Variants in GOLM2 observed in about 807,000 individuals in gnomAD.
The protein encoded by GOLM2 is golgi membrane protein 2, also known as protein GOLM2.
GOLM2 carries 26 observed loss-of-function variants against 55.9 expected under a neutral mutation model. The ratio of observed to expected loss-of-function variants is 0.47; its 90% CI spans 0.34 to 0.65. GOLM2 has a LOEUF of 0.65. Among genes scored for constraint, GOLM2 ranks in the 30% least tolerant of loss-of-function variants. GOLM2 has a pLI of 0.01. For synonymous variants in GOLM2, 165 were observed against 194.6 expected (o/e 0.85, Z 1.27); for missense variants, 486 against 531.8 (o/e 0.91, Z 0.85).
intron 1 of GOLM2, among the ~76,000 whole-genome samples, chr15:44,305,174 A>AT (rs932595834): frequency 2.1e-4 from 32 of 150,820 alleles, no homozygotes; most frequent in Middle Eastern, 3.5e-3. Flanking sequence ...CTAATTTTGT[A>AT]TTTTTTGTAG....
At chr15:44,401,644 G>A (rs1262707207) in intron 8 of GOLM2, among the ~76,000 whole-genome samples, 1 of 152,062 alleles carries the variant, frequency 6.6e-6, no homozygotes, top group African/African-American at 2.4e-5. Context: ...GCATTATTAG[G>A]AAGTTAATTT....
intron 1 of GOLM2, among the ~76,000 whole-genome samples, chr15:44,314,923 T>C (rs547099250): frequency 6.6e-6 from 1 of 152,360 alleles, no homozygotes; most frequent in South Asian, 2.1e-4. Context: ...GTAAAGCACT[T>C]AGCCTAGGAC....
intron 1 of GOLM2, among the ~76,000 whole-genome samples, chr15:44,320,215 G>A (rs1264067605): frequency 6.6e-6 from 1 of 152,156 alleles, no homozygotes; most frequent in Non-Finnish European, 1.5e-5. Context: ...TTTAGCATAT[G>A]TAATGTTTTC....
At chr15:44,360,388 G>A (rs536477565) in intron 6 of GOLM2, among the ~76,000 whole-genome samples, 1 of 152,228 alleles carries the variant, frequency 6.6e-6, no homozygotes, top group African/African-American at 2.4e-5. Context: ...ACAAAAAAAG[G>A]CAGGGGTTGC....
At chr15:44,311,918 G>A (rs2078877931) in intron 1 of GOLM2, among the ~76,000 whole-genome samples, 1 of 152,128 alleles carries the variant, frequency 6.6e-6, no homozygotes, top group Admixed American at 6.6e-5. Flanking sequence ...CCAAAGTGCT[G>A]GGATTACAGG....
chr15:44,406,701 C>T (rs1330136867), intron 9 of GOLM2: 1 of 151,682 alleles, frequency 6.6e-6, no homozygotes, highest in Non-Finnish European at 1.5e-5. Context: ...TGAAAGATAA[C>T]AAAAAATGAA....
intron 1 of GOLM2, among the ~76,000 whole-genome samples, chr15:44,301,828 C>T (rs1392428659): frequency 1.3e-5 from 2 of 151,704 alleles, no homozygotes; most frequent in Non-Finnish European, 2.9e-5. Context: ...AGGAGAATTA[C>T]TTGAATCCAG....
chr15:44,412,261 A>G (rs1238122208), intron 9 of GOLM2, among the ~76,000 whole-genome samples: 3 of 152,322 alleles, frequency 2.0e-5, no homozygotes, highest in African/African-American at 4.8e-5. Flanking sequence ...AAGGATTGCT[A>G]TTGGCAGGTA....
At chr15:44,347,999 G>T (rs1016566710) in intron 6 of GOLM2, among the ~76,000 whole-genome samples, 1 of 152,156 alleles carries the variant, frequency 6.6e-6, no homozygotes, top group African/African-American at 2.4e-5. Context: ...CCTAGACCTG[G>T]CAAGATTCAT....
intron 6 of GOLM2, among the ~76,000 whole-genome samples, chr15:44,342,495 A>G (rs1420420133): frequency 6.6e-6 from 1 of 152,048 alleles, no homozygotes; most frequent in Non-Finnish European, 1.5e-5. Context: ...TCAAACTCCT[A>G]GGCTCAAGCA....
chr15:44,344,347 T>G (rs895417253), intron 6 of GOLM2, among the ~76,000 whole-genome samples: 3 of 151,364 alleles, frequency 2.0e-5, no homozygotes, highest in African/African-American at 7.3e-5. Context: ...AGCATGTGCC[T>G]AGGGTTAGCA....
At chr15:44,355,831 T>A (rs891630755) in intron 6 of GOLM2, 1 of 152,834 alleles carries the variant, frequency 6.5e-6, no homozygotes, top group African/African-American at 2.4e-5. Flanking sequence ...CCATATCCCC[T>A]GAAGAATGGG....
At chr15:44,321,467 CA>C (rs35260808) in intron 1 of GOLM2, among the ~76,000 whole-genome samples, 8,193 of 32,370 alleles carry the variant, frequency 0.25, 426 homozygotes, top group East Asian at 0.42. Flanking sequence ...GAACATGTCT[CA>C]AAAAAAAAAA....
intron 6 of GOLM2, among the ~76,000 whole-genome samples, chr15:44,379,338 G>A (rs1238023166): frequency 5.9e-5 from 9 of 152,098 alleles, no homozygotes; most frequent in South Asian, 2.1e-4. Context: ...TTACCCGGGC[G>A]TGGTGGCGAG....
intron 2 of GOLM2, among the ~76,000 whole-genome samples, chr15:44,326,988 A>C: frequency 7.2e-6 from 1 of 138,392 alleles, no homozygotes. Flanking sequence ...TCGCTCTGTC[A>C]CTCAGGCTAG....
chr15:44,330,310 C>G lies in GOLM2; in HGVS notation c.485+1523C>G, dbSNP rs369033776. 6.1e-5 allele frequency among the ~76,000 whole-genome samples: 9 copies of G among 147,366 alleles called. No homozygotes were observed. The East Asian group carries it at 1.2e-3, about 20-fold the overall frequency. ...GGTGGATCACCTGAGGTCGGGAGTTCAAGACCAGCCTGACCAACATGGAGA... is the reference window on the plus strand; with the variant it reads ...GGTGGATCACCTGAGGTCGGGAGTTGAAGACCAGCCTGACCAACATGGAGA... On this transcript the variant is annotated intron_variant, in intron 3 of 9. Transcript: ENST00000299957.
intron 1 of GOLM2, among the ~76,000 whole-genome samples, chr15:44,301,906 C>T (rs1167390025): frequency 6.7e-6 from 1 of 148,300 alleles, no homozygotes; most frequent in Non-Finnish European, 1.5e-5. Context: ...GAGGGAGACC[C>T]TCTCTCAAAA....
chr15:44,313,190 A>G (rs2078886178), intron 1 of GOLM2, among the ~76,000 whole-genome samples: 2 of 152,008 alleles, frequency 1.3e-5, no homozygotes, highest in Non-Finnish European at 2.9e-5. Flanking sequence ...TGGAGGCTGC[A>G]GTGAGCCAAA....
At chr15:44,298,122 A>C (rs1180681363) in intron 1 of GOLM2, among the ~76,000 whole-genome samples, 1 of 138,586 alleles carries the variant, frequency 7.2e-6, no homozygotes. Context: ...GTCCACCTTG[A>C]CCTCCCAAAG....
Sources: allele counts gnomAD v4.1 joint callset (sites outside exome capture counted in the v4.1 genomes callset), GRCh38; gene constraint gnomAD v4.1.1; transcripts MANE v1.5; gene names NCBI Gene and HGNC (gene_info 2026-07-23, HGNC 2026-07-21).